The following SLC39A11 variants were observed in gnomAD, a reference collection of about 807,000 sequenced individuals.
The protein encoded by SLC39A11 is solute carrier family 39 member 11.
SLC39A11 carries 33 observed loss-of-function variants against 36.1 expected under a neutral mutation model. The ratio of observed to expected loss-of-function variants is 0.91; its 90% confidence interval spans 0.69 to 1.22. SLC39A11 has a LOEUF of 1.22. SLC39A11 is among the 50% of genes most tolerant of loss of function. The pLI is 0.00. For missense variants in SLC39A11, 432 were observed against 430.3 expected, an observed-to-expected ratio of 1.00 and a Z score of -0.03; for synonymous variants, 166 against 170.3, an observed-to-expected ratio of 0.97 and a Z score of 0.20.
At chr17:72,915,149 G>A (rs1430872374) in intron 5 of SLC39A11, among the ~76,000 whole-genome samples, 2 of 152,114 alleles carry the variant, frequency 1.3e-5, no homozygotes, top group Non-Finnish European at 2.9e-5. Flanking sequence ...CCCAGGGGGA[G>A]ACTGCCTGTC....
In SLC39A11 at chr17:72,779,783, G is replaced by A. The variant is rs533004678; in HGVS notation, c.602-43064C>T. 1.2e-4 allele frequency among the ~76,000 whole-genome samples: 19 copies of A among 152,306 alleles called. 1 individual carries two copies. The highest frequency in any genetic ancestry group is 4.3e-4 in the African/African-American group (18 of 41,564). On this transcript the variant is annotated intron_variant, in intron 6 of 9. Transcript: ENST00000255559. ...CAGCTGCACCTACATCTGTGGAGAG[G>A]AACATCTGAATCCACAACTGCCTTT...
Position 73,031,611 on chromosome 17 carries a change from C to A in SLC39A11, c.251G>T (p.Gly84Val). ...GACAAAAGCCGCTCCAAGGGTGAAG[C>A]CAACAGCCACAGGGAAGAAGGCAAA... is the stretch of plus-strand genomic sequence containing the variant. ...GAFAFFPVAV[G>V]FTLGAAFVYL... The change falls in exon 4 of 10, where the codon GGC (glycine) becomes GTC (valine). Residue 84 changes from glycine to valine, a missense_variant. Coordinates refer to ENST00000255559, the MANE Select transcript of SLC39A11 (RefSeq NM_139177.4). The A allele has an allele frequency of 6.2e-7, 1 of 1,614,140 alleles. No homozygotes were observed. The highest frequency in any genetic ancestry group is 2.2e-5 in the East Asian group (1 of 44,874).
chr17:73,064,079 C>T (rs975125382), intron 3 of SLC39A11, among the ~76,000 whole-genome samples: 1 of 147,884 alleles, frequency 6.8e-6, no homozygotes, highest in Non-Finnish European at 1.5e-5. Flanking sequence ...CAAAGAAATG[C>T]TACAGCAAAA....
rs150931663 is a variant in SLC39A11 at position 72,772,699 on chromosome 17, G to A, written c.602-35980C>T. Among the ~76,000 whole-genome samples the A allele has an allele frequency of 7.4e-3, 1,130 of 152,312 alleles. 11 individuals carry two copies. The highest frequency in any genetic ancestry group is 0.026 in the African/African-American group (1,063 of 41,566). ...GGCCTGGCTCAAACACAGCAGATGTGTGATAAATAAGTGCTGAACAAATAA... is the reference window on the plus strand; with the variant it reads ...GGCCTGGCTCAAACACAGCAGATGTATGATAAATAAGTGCTGAACAAATAA... On this transcript the variant is annotated intron_variant, in intron 6 of 9. Coordinates refer to ENST00000255559, the MANE Select transcript of SLC39A11 (RefSeq NM_139177.4).
intron 6 of SLC39A11, among the ~76,000 whole-genome samples, chr17:72,798,516 C>T (rs895079290): frequency 2.6e-5 from 4 of 151,082 alleles, no homozygotes; most frequent in Non-Finnish European, 5.9e-5. Context: ...CAGGTTCATG[C>T]AATTCTCCGA....
intron 7 of SLC39A11, among the ~76,000 whole-genome samples, chr17:72,700,533 T>G (rs1567961400): frequency 6.6e-6 from 1 of 152,198 alleles, no homozygotes; most frequent in Non-Finnish European, 1.5e-5. Context: ...GGAGTCAGAA[T>G]GCACAGCCCT....
At chr17:72,991,603 C>CCCCA (rs35524317) in intron 4 of SLC39A11, among the ~76,000 whole-genome samples, 9,070 of 152,182 alleles carry the variant, frequency 0.06, 299 homozygotes, top group African/African-American at 0.067. Context: ...AGATAATCCC[C>CCCCA]CCGCCTTGGC....
chr17:72,827,746 C>A (rs1375297137), intron 6 of SLC39A11, among the ~76,000 whole-genome samples: 1 of 152,190 alleles, frequency 6.6e-6, no homozygotes, highest in East Asian at 1.9e-4. Flanking sequence ...TCTTTAAATG[C>A]ACTGAAGAGG....
chr17:72,962,261 A>G (rs1451290402), intron 4 of SLC39A11, among the ~76,000 whole-genome samples: 3 of 152,170 alleles, frequency 2.0e-5, no homozygotes, highest in African/African-American at 7.2e-5. Context: ...CAGAGGCCTC[A>G]AACAACACTC....
intron 5 of SLC39A11, among the ~76,000 whole-genome samples, chr17:72,868,618 C>CAAAAAAAAGAAA (rs2080433624): frequency 1.8e-5 from 1 of 56,462 alleles, no homozygotes; most frequent in Non-Finnish European, 3.1e-5. Context: ...CCTGTCTCTA[C>CAAAAAAAAGAAA]AAAAAAAAAA....
chr17:72,971,029 G>C (rs2087410642), intron 4 of SLC39A11, among the ~76,000 whole-genome samples: 1 of 152,154 alleles, frequency 6.6e-6, no homozygotes, highest in Non-Finnish European at 1.5e-5. Context: ...TATGCGGCCG[G>C]ATGTTACATC....
intron 7 of SLC39A11, among the ~76,000 whole-genome samples, chr17:72,696,491 C>A (rs372755776): frequency 6.6e-6 from 1 of 152,130 alleles, no homozygotes; most frequent in Non-Finnish European, 1.5e-5. Context: ...GATCTGATCC[C>A]GGAGTCTGTT....
intron 6 of SLC39A11, among the ~76,000 whole-genome samples, chr17:72,772,101 A>C (rs2075968705): frequency 1.3e-5 from 2 of 152,024 alleles, no homozygotes; most frequent in South Asian, 4.1e-4. Flanking sequence ...TCCTTCCCAG[A>C]GTCCTTTCCA....
chr17:72,667,189 A>G (rs1000227801), intron 7 of SLC39A11, among the ~76,000 whole-genome samples: 18 of 152,172 alleles, frequency 1.2e-4, no homozygotes. Context: ...AGGCAGGAGC[A>G]AGATGCAGGA....
rs929980732 is a variant in SLC39A11 at position 72,799,779 on chromosome 17, G to A, written c.601+49855C>T. 2.6e-5 allele frequency among the ~76,000 whole-genome samples: 4 copies of A among 151,734 alleles called. No homozygotes were observed. The East Asian group carries it at 5.8e-4, about 22-fold the overall frequency. ...TGTTTATCAAGACAATATGTGCACC[G>A]CTGAACACAGACCCTTCTCGGTGGT... is the stretch of plus-strand genomic sequence containing the variant. On this transcript the variant is annotated intron_variant, in intron 6 of 9. Transcript: ENST00000255559.
At chr17:72,676,465 C>T (rs983478652) in intron 7 of SLC39A11, among the ~76,000 whole-genome samples, 5 of 152,126 alleles carry the variant, frequency 3.3e-5, no homozygotes, top group Admixed American at 1.3e-4. Flanking sequence ...GAAATTAGCA[C>T]ATCGAAAGAG....
intron 6 of SLC39A11, chr17:72,837,949 A>G (rs1311140607): frequency 1.6e-6 from 2 of 1,230,438 alleles, no homozygotes; most frequent in East Asian, 3.2e-5. Context: ...GGTACTGCTC[A>G]AAGAGTGTGG....
At chr17:72,981,598 A>G (rs2088310414) in intron 4 of SLC39A11, among the ~76,000 whole-genome samples, 1 of 129,410 alleles carries the variant, frequency 7.7e-6, no homozygotes, top group African/African-American at 2.7e-5. Context: ...TAAATGCAAA[A>G]AAAAAAAAAA....
At chr17:72,970,970 A>C (rs1031004407) in intron 4 of SLC39A11, among the ~76,000 whole-genome samples, 2 of 152,104 alleles carry the variant, frequency 1.3e-5, no homozygotes, top group African/African-American at 4.8e-5. Context: ...GGGTGTCCCC[A>C]CCACTCCTCC....
Sources: allele counts gnomAD v4.1 joint callset (sites outside exome capture counted in the v4.1 genomes callset), GRCh38; gene constraint gnomAD v4.1.1; transcripts MANE v1.5; gene names NCBI Gene and HGNC (gene_info 2026-07-23, HGNC 2026-07-21).